CELF1: variants seen among roughly 807,000 people sequenced by gnomAD.
CELF1 encodes 50 kDa nuclear polyadenylated RNA-binding protein.
In CELF1, 10 loss-of-function variants were observed where a neutral mutation model predicts 61.8. The ratio of observed to expected loss-of-function variants is 0.16; its 90% confidence interval spans 0.10 to 0.27. The LOEUF (loss-of-function observed/expected upper bound fraction) is 0.27, where lower values mean the gene tolerates loss of function less well. Ranked by LOEUF, CELF1 falls within the 10% of genes least tolerant of loss-of-function variation. The pLI is 1.00. For missense variants in CELF1, 380 were observed against 639.1 expected (o/e 0.59, Z 4.37); for synonymous variants, 236 against 225.1 (o/e 1.05, Z -0.43).
At chr11:47,559,428 G>T (rs2097219108) in intron 2 of CELF1, among the ~76,000 whole-genome samples, 1 of 151,216 alleles carries the variant, frequency 6.6e-6, no homozygotes, top group Admixed American at 6.6e-5. Context: ...GGCACAGCTT[G>T]CTCACTTTAG....
intron 1 of CELF1, among the ~76,000 whole-genome samples, chr11:47,504,533 C>T (rs1363122902): frequency 1.3e-5 from 2 of 151,938 alleles, no homozygotes; most frequent in Non-Finnish European, 2.9e-5. Flanking sequence ...GATACTTGAT[C>T]GCACCACTAC....
In CELF1 at chr11:47,489,701, C is replaced by T. The variant is rs183607957; in HGVS notation, c.72-677G>A. ...TTCTGTTTCTGAGTTATCCAATTTA[C>T]TGCTATTACTCTAAGACCAGTTAAG... On this transcript the variant is annotated intron_variant, in intron 3 of 14. Transcript: ENST00000687097. 3.9e-5 allele frequency among the ~76,000 whole-genome samples: 6 copies of T among 152,240 alleles called. No individual in the cohort carries two copies. In the East Asian group the frequency reaches 1.2e-3, roughly 29 times the overall value.
At chr11:47,487,868 AG>A (rs1428263573) in intron 4 of CELF1, among the ~76,000 whole-genome samples, 1 of 152,216 alleles carries the variant, frequency 6.6e-6, no homozygotes, top group East Asian at 1.9e-4. Flanking sequence ...TTTGGGTAGT[AG>A]GAGAGGAAGT....
At chr11:47,562,886 T>C (rs533492011) in intron 2 of CELF1, among the ~76,000 whole-genome samples, 1 of 152,090 alleles carries the variant, frequency 6.6e-6, no homozygotes, top group African/African-American at 2.4e-5. Flanking sequence ...TGTATTTTTT[T>C]AGTAGAGACG....
intron 1 of CELF1, among the ~76,000 whole-genome samples, chr11:47,510,566 A>C (rs2153600037): frequency 6.6e-6 from 1 of 152,188 alleles, no homozygotes; most frequent in South Asian, 2.1e-4. Flanking sequence ...GGCTCACTGC[A>C]ACCTCCGCCT....
chr11:47,527,311 A>G (rs1016943889), intron 1 of CELF1, among the ~76,000 whole-genome samples: 1 of 152,130 alleles, frequency 6.6e-6, no homozygotes. Context: ...AGATTCCTTG[A>G]GCCCAGGAGG....
chr11:47,522,931 G>A (rs747848557), intron 1 of CELF1, among the ~76,000 whole-genome samples: 4 of 151,958 alleles, frequency 2.6e-5, no homozygotes, highest in Non-Finnish European at 2.9e-5. Context: ...CCTAGCAGGA[G>A]GGGGAAGTGA....
chr11:47,534,178 G>A (rs1454625020), intron 1 of CELF1, among the ~76,000 whole-genome samples: 1 of 151,178 alleles, frequency 6.6e-6, no homozygotes, highest in Non-Finnish European at 1.5e-5. Flanking sequence ...ACAGGCGCCT[G>A]CCACCATGCC....
At chr11:47,512,180 TC>T (rs1197777735) in intron 1 of CELF1, among the ~76,000 whole-genome samples, 3 of 151,006 alleles carry the variant, frequency 2.0e-5, no homozygotes, top group Non-Finnish European at 4.4e-5. Context: ...TGAGATGGAG[TC>T]CCGCTCTGTT....
At chr11:47,538,328 G>C (rs1248326810) in intron 1 of CELF1, among the ~76,000 whole-genome samples, 1 of 152,152 alleles carries the variant, frequency 6.6e-6, no homozygotes, top group Non-Finnish European at 1.5e-5. Context: ...CTTGATGTTG[G>C]CTGTGTACCA....
chr11:47,551,039 T>TAAA (rs10718787), intron 1 of CELF1, among the ~76,000 whole-genome samples: 2 of 146,686 alleles, frequency 1.4e-5, no homozygotes, highest in Non-Finnish European at 3.0e-5. Flanking sequence ...TGATATTGTT[T>TAAA]AAAAAAAAAA....
chr11:47,509,819 G>A lies in CELF1; in HGVS notation c.-153-8887C>T, dbSNP rs1016343998. Among the ~76,000 whole-genome samples, 4 of 149,360 alleles carry A rather than the reference G, an allele frequency of 2.7e-5. No homozygotes were observed. The Admixed American group carries it at 2.7e-4, about 10-fold the overall frequency. On this transcript the variant is annotated intron_variant, in intron 1 of 14. Coordinates refer to ENST00000687097, the MANE Select transcript of CELF1 (RefSeq NM_001376376.1). Reference sequence around the variant, plus strand: ...AGGTGGGCGGGTCACTTGAGGTCAGGAATTCAAGACCAGTCTGGCCAACAC... The same window carrying A: ...AGGTGGGCGGGTCACTTGAGGTCAGAAATTCAAGACCAGTCTGGCCAACAC...
At chr11:47,494,899 G>C (rs1395068735) in intron 3 of CELF1, among the ~76,000 whole-genome samples, 2 of 152,216 alleles carry the variant, frequency 1.3e-5, no homozygotes, top group African/African-American at 2.4e-5. Context: ...GTATGAGACA[G>C]AGACAGAACA....
In CELF1 at chr11:47,488,903, G is replaced by T; in HGVS notation, c.193C>A (p.Gln65Lys). The change falls in exon 4 of 15, where the codon CAG becomes AAG. Residue 65 changes from glutamine to lysine, a missense_variant. Physicochemically the swap from Gln to Lys is moderately conservative, Grantham distance 53. Coordinates refer to ENST00000687097, the MANE Select transcript of CELF1 (RefSeq NM_001376376.1). Reference protein sequence around the residue: ...SEKDLRELFEQYGAVYEINVL... With the variant: ...SEKDLRELFEKYGAVYEINVL... Reference sequence around the variant, plus strand: ...TTGATTTCATACACAGCACCATACTGTTCGAAGAGTTCCCGCAAGTCCTTT... The same window carrying T: ...TTGATTTCATACACAGCACCATACTTTTCGAAGAGTTCCCGCAAGTCCTTT... 6.2e-7 allele frequency: 1 copy of T among 1,612,904 alleles called. No homozygotes were observed. Among genetic ancestry groups the T allele is most frequent in the Non-Finnish European group, 8.5e-7 (1 of 1,179,656 alleles).
chr11:47,526,008 C>T (rs2096221927), intron 1 of CELF1, among the ~76,000 whole-genome samples: 1 of 151,842 alleles, frequency 6.6e-6, no homozygotes, highest in South Asian at 2.1e-4. Flanking sequence ...GACTTTCTTG[C>T]TTATCCCACC....
chr11:47,489,955 T>TTTTTTTTTTTTTTTTTTTTG (rs71042675), intron 3 of CELF1, among the ~76,000 whole-genome samples: 3 of 141,284 alleles, frequency 2.1e-5, no homozygotes, highest in Non-Finnish European at 1.5e-5. Context: ...TTTTTTTTTT[T>TTTTTTTTTTTTTTTTTTTTG]GAGACGGAAT....
chr11:47,542,086 T>C (rs2096822062), intron 1 of CELF1, among the ~76,000 whole-genome samples: 1 of 152,164 alleles, frequency 6.6e-6, no homozygotes, highest in African/African-American at 2.4e-5. Flanking sequence ...AAAGCCGTAC[T>C]GGGCTGGGCG....
intron 3 of CELF1, among the ~76,000 whole-genome samples, chr11:47,493,821 A>G (rs1179243740): frequency 2.0e-5 from 3 of 152,204 alleles, no homozygotes; most frequent in Admixed American, 2.0e-4. Context: ...TGTAATAAGC[A>G]GTCACAAACT....
intron 12 of CELF1, among the ~76,000 whole-genome samples, chr11:47,475,999 ATTTT>A (rs370220622): frequency 7.0e-6 from 1 of 142,678 alleles, no homozygotes; most frequent in Admixed American, 7.0e-5. Context: ...CTATGTTCTA[ATTTT>A]TTTTTTTTTT....
Sources: allele counts gnomAD v4.1 joint callset (sites outside exome capture counted in the v4.1 genomes callset), GRCh38; gene constraint gnomAD v4.1.1; transcripts MANE v1.5; gene names NCBI Gene and HGNC (gene_info 2026-07-23, HGNC 2026-07-21).